Variants in FAM184A observed in about 807,000 individuals in gnomAD.
FAM184A encodes the protein protein FAM184A.
A neutral mutation model predicts 143.8 loss-of-function variants in FAM184A; 99 were observed. The ratio of observed to expected loss-of-function variants is 0.69; its 90% confidence interval spans 0.58 to 0.81. FAM184A has a LOEUF of 0.81. FAM184A is among the 40% of genes least tolerant of loss of function. FAM184A has a pLI of 0.00. For missense variants in FAM184A, 1,217 were observed against 1,310.5 expected, an observed-to-expected ratio of 0.93 and a Z score of 1.10; for synonymous variants, 427 against 446.4, an observed-to-expected ratio of 0.96 and a Z score of 0.55.
intron 1 of FAM184A, among the ~76,000 whole-genome samples, chr6:119,130,858 CTT>C (rs67738048): frequency 0.41 from 53,957 of 131,068 alleles, 10,683 homozygotes; most frequent in African/African-American, 0.57. Context: ...TTCTTTTTTT[CTT>C]TTTTTTTTTT....
intron 1 of FAM184A, among the ~76,000 whole-genome samples, chr6:119,097,194 T>C (rs1390069531): frequency 2.0e-5 from 3 of 152,168 alleles, no homozygotes; most frequent in Non-Finnish European, 4.4e-5. Flanking sequence ...CTGGTTGTAT[T>C]CACACTTAAA....
intron 1 of FAM184A, among the ~76,000 whole-genome samples, chr6:119,093,586 T>G (rs1477097082): frequency 6.6e-6 from 1 of 152,180 alleles, no homozygotes; most frequent in Non-Finnish European, 1.5e-5. Context: ...ATGCTAGAAC[T>G]TGACACATTT....
intron 9 of FAM184A, among the ~76,000 whole-genome samples, chr6:118,997,946 C>G (rs1028239150): frequency 6.6e-6 from 1 of 152,154 alleles, no homozygotes; most frequent in African/African-American, 2.4e-5. Context: ...CTTACTGAAA[C>G]TGGCTTTTCA....
intron 9 of FAM184A, among the ~76,000 whole-genome samples, chr6:118,999,692 T>C (rs1345265741): frequency 6.6e-6 from 1 of 152,184 alleles, no homozygotes; most frequent in African/African-American, 2.4e-5. Context: ...TGTATGCTGG[T>C]AAATGTTTAA....
At chr6:119,127,726 T>C (rs1465319074) in intron 1 of FAM184A, among the ~76,000 whole-genome samples, 1 of 152,200 alleles carries the variant, frequency 6.6e-6, no homozygotes, top group African/African-American at 2.4e-5. Flanking sequence ...TTCTCCTTCC[T>C]TCCCAAGATG....
In FAM184A at chr6:118,980,155, T is replaced by C. The variant is rs1562459395; in HGVS notation, c.2284A>G (p.Lys762Glu). 3 of 1,614,032 alleles carry C rather than the reference T, an allele frequency of 1.9e-6. No homozygotes were observed. The highest frequency in any genetic ancestry group is 2.5e-6 in the Non-Finnish European group (3 of 1,179,870). Residue 762 changes from lysine to glutamate, a missense_variant, in exon 10 of 18, where the codon AAG becomes GAG. By Grantham distance (56) the Lys-to-Glu change is moderately conservative (BLOSUM62 1). Transcript: ENST00000338891. Reference sequence around the variant, plus strand: ...AAACTTACTCTTTGCTCCTTTTCCTTTTCCTCTTCCATAGTTTGAAATGCA... The same window carrying C: ...AAACTTACTCTTTGCTCCTTTTCCTCTTCCTCTTCCATAGTTTGAAATGCA... ...VLAFQTMEEE[K>E]EKEQRALENH...
chr6:118,968,833 C>T (rs761209544), intron 14 of FAM184A, among the ~76,000 whole-genome samples: 11 of 43,244 alleles, frequency 2.5e-4, no homozygotes, highest in Non-Finnish European at 5.1e-4. Context: ...CTTTTTTTTG[C>T]ATAATAAAGG....
At chr6:118,986,927 G>A (rs1260243042) in intron 9 of FAM184A, among the ~76,000 whole-genome samples, 1 of 152,050 alleles carries the variant, frequency 6.6e-6, no homozygotes, top group African/African-American at 2.4e-5. Flanking sequence ...TGAGATAAAT[G>A]TTTGTTGTTT....
intron 1 of FAM184A, among the ~76,000 whole-genome samples, chr6:119,074,498 C>G (rs1220835968): frequency 2.0e-5 from 3 of 151,932 alleles, no homozygotes; most frequent in African/African-American, 7.3e-5. Flanking sequence ...TTTGTATTAT[C>G]TAAAAGCAAC....
chr6:119,078,301 T>C lies in FAM184A; in HGVS notation c.-2A>G, dbSNP rs1464370773. ...CCAGCTCATGCCCGGGGTCGCCATCTTCCCAACAGACCCCAGCCGGGGCAC... is the reference window on the plus strand; with the variant it reads ...CCAGCTCATGCCCGGGGTCGCCATCCTCCCAACAGACCCCAGCCGGGGCAC... On this transcript the variant is annotated 5_prime_UTR_variant, in exon 1 of 18. Transcript: ENST00000338891. This position sits in a 1 kb window ranked among gnomAD's most constrained non-coding sequence, Gnocchi z 5.5. 3 of 1,476,826 alleles carry C rather than the reference T, an allele frequency of 2.0e-6. No homozygotes were observed. Among genetic ancestry groups the C allele is most frequent in the South Asian group, 2.6e-5 (2 of 75,876 alleles). The allele number at this position is 1,476,826 out of a possible 1,614,324, so 91.5% of individuals were successfully genotyped here. A position where few individuals can be genotyped will look rare whatever the true frequency, so the allele number is the denominator to read the frequency against.
In FAM184A at chr6:118,959,791, A is replaced by T. The variant is rs1783261235; in HGVS notation, c.*312T>A. On this transcript the variant is annotated 3_prime_UTR_variant, in exon 18 of 18. Coordinates refer to ENST00000338891, the MANE Select transcript of FAM184A (RefSeq NM_024581.6). Reference sequence around the variant, plus strand: ...TCTTACCTGGAATTAAAAAATATTTAAAAATTAAAGCAAACGTAGAAAAAA... The same window carrying T: ...TCTTACCTGGAATTAAAAAATATTTTAAAATTAAAGCAAACGTAGAAAAAA... 5.9e-6 allele frequency: 1 copy of T among 169,362 alleles called. No individual in the cohort carries two copies. The highest frequency in any genetic ancestry group is 6.5e-5 in the Admixed American group (1 of 15,472). The allele number at this position is 169,362 out of a possible 1,614,324, so 10.5% of individuals were successfully genotyped here. A position where few individuals can be genotyped will look rare whatever the true frequency, so the allele number is the denominator to read the frequency against.
At chr6:118,997,511 G>A (rs1017509987) in intron 9 of FAM184A, among the ~76,000 whole-genome samples, 1 of 152,066 alleles carries the variant, frequency 6.6e-6, no homozygotes, top group South Asian at 2.1e-4. Flanking sequence ...CCAACATGGT[G>A]AAACCTCGTC....
intron 5 of FAM184A, among the ~76,000 whole-genome samples, chr6:119,012,036 G>A (rs974625877): frequency 2.0e-5 from 3 of 152,278 alleles, no homozygotes; most frequent in Admixed American, 6.5e-5. Context: ...TAGGGAGTAC[G>A]GGAGTATATG....
In FAM184A at chr6:119,100,501, G is replaced by T. The variant is rs72955013; in HGVS notation, c.-202+48577C>A. 3.4e-3 allele frequency among the ~76,000 whole-genome samples: 520 copies of T among 152,248 alleles called. 2 individuals carry two copies. Among genetic ancestry groups the T allele is most frequent in the Non-Finnish European group, 3.3e-3 (222 of 68,022 alleles). ...GGCAGAGGGATGCTTAAGGTGAAAA[G>T]TCATTGTCTACCTAAATACAGTTGA... On this transcript the variant is annotated intron_variant, in intron 1 of 16. Coordinates refer to the FAM184A transcript ENST00000352896.
chr6:119,133,622 G>T (rs1237517778), intron 1 of FAM184A, among the ~76,000 whole-genome samples: 2 of 151,986 alleles, frequency 1.3e-5, no homozygotes, highest in Non-Finnish European at 2.9e-5. Flanking sequence ...CCCAAGAAAT[G>T]GGTGTGATGT....
At chr6:119,037,205 C>G (rs192855700) in intron 1 of FAM184A, among the ~76,000 whole-genome samples, 20 of 152,300 alleles carry the variant, frequency 1.3e-4, no homozygotes, top group African/African-American at 4.6e-4. Context: ...GGTTCTAAGA[C>G]AGATTTTTTT....
In FAM184A at chr6:119,078,083, G is replaced by A; in HGVS notation, c.159+58C>T. The stretch of plus-strand genomic sequence containing the variant: ...GGGCGCACTGCCTCCCGGGGAGACA[G>A]GTGAGTCCGGCGCGGCCCGCACGGG... On this transcript the variant is annotated intron_variant, in intron 1 of 17. Transcript: ENST00000338891. This position sits in a 1 kb window ranked among gnomAD's most constrained non-coding sequence, Gnocchi z 5.5. The A allele has an allele frequency of 1.3e-6, 2 of 1,530,430 alleles. No individual in the cohort carries two copies. The highest frequency in any genetic ancestry group is 1.2e-5 in the South Asian group (1 of 82,800). 94.8% of individuals were successfully genotyped at this position (1,530,430 alleles called of 1,614,324 possible).
chr6:119,032,747 G>A (rs1276417454), intron 1 of FAM184A, among the ~76,000 whole-genome samples: 1 of 152,170 alleles, frequency 6.6e-6, no homozygotes, highest in Non-Finnish European at 1.5e-5. Context: ...GCAAAAGGTA[G>A]CTTACCAAGT....
chr6:119,113,768 CCT>C (rs1200383860), intron 1 of FAM184A, among the ~76,000 whole-genome samples: 2 of 151,992 alleles, frequency 1.3e-5, no homozygotes, highest in Non-Finnish European at 2.9e-5. Context: ...GGTGAGACCC[CCT>C]GTCTCTACTA....
Sources: allele counts gnomAD v4.1 joint callset (sites outside exome capture counted in the v4.1 genomes callset), GRCh38; gene constraint gnomAD v4.1.1; non-coding constraint Gnocchi (gnomAD v3.1); transcripts MANE v1.5; gene names NCBI Gene and HGNC (gene_info 2026-07-23, HGNC 2026-07-21).